The following EPB41L2 variants were observed in gnomAD, a reference collection of about 807,000 sequenced individuals.
The protein encoded by EPB41L2 is erythrocyte membrane protein band 4.1 like 2.
In EPB41L2, 43 loss-of-function variants were observed where a neutral mutation model predicts 113.0. The ratio of observed to expected loss-of-function variants is 0.38; its 90% confidence interval spans 0.30 to 0.49. The LOEUF (loss-of-function observed/expected upper bound fraction) is 0.49, where lower values mean the gene tolerates loss of function less well. Among genes scored for constraint, EPB41L2 ranks in the 20% least tolerant of loss-of-function variants. The pLI, the probability that EPB41L2 is intolerant of heterozygous loss-of-function variation, is 0.95. For missense variants in EPB41L2, 1,147 were observed against 1,223.4 expected, an observed-to-expected ratio of 0.94 and a Z score of 0.93; for synonymous variants, 442 against 436.7, an observed-to-expected ratio of 1.01 and a Z score of -0.15.
At chr6:130,875,464 C>G (rs12200530) in intron 14 of EPB41L2, among the ~76,000 whole-genome samples, 53,674 of 151,874 alleles carry the variant, frequency 0.35, 9,570 homozygotes, top group East Asian at 0.42. Context: ...TCGTGCTCCC[C>G]CTTGCTCACC....
chr6:131,043,904 A>G (rs1237339004), intron 1 of EPB41L2, among the ~76,000 whole-genome samples: 3 of 152,220 alleles, frequency 2.0e-5, no homozygotes, highest in Non-Finnish European at 4.4e-5. Context: ...AGAGACAGAT[A>G]AAAGAAAGCC....
At chr6:130,978,944 T>G (rs1205319549) in intron 1 of EPB41L2, 1 of 152,130 alleles carries the variant, frequency 6.6e-6, no homozygotes, top group African/African-American at 2.4e-5. Context: ...GTGGGAACAG[T>G]AAGTGAAGGA....
chr6:130,984,185 G>A (rs1376658439), intron 1 of EPB41L2, among the ~76,000 whole-genome samples: 3 of 152,144 alleles, frequency 2.0e-5, no homozygotes, highest in Non-Finnish European at 4.4e-5. Flanking sequence ...ATAACATGGA[G>A]CTGTCATCTC....
At chr6:130,910,324 A>G (rs1229075037) in intron 4 of EPB41L2, among the ~76,000 whole-genome samples, 1 of 152,250 alleles carries the variant, frequency 6.6e-6, no homozygotes, top group East Asian at 1.9e-4. Flanking sequence ...CTGGCTAGCC[A>G]TATGCCGAAA....
intron 3 of EPB41L2, among the ~76,000 whole-genome samples, chr6:130,949,617 G>A (rs996816195): frequency 9.9e-5 from 15 of 151,554 alleles, no homozygotes; most frequent in African/African-American, 3.6e-4. Flanking sequence ...GAGGGGAGGG[G>A]AGGAGAGTGG....
intron 1 of EPB41L2, among the ~76,000 whole-genome samples, chr6:131,047,724 G>A (rs1795729441): frequency 1.3e-5 from 2 of 152,140 alleles, no homozygotes; most frequent in African/African-American, 4.8e-5. Flanking sequence ...TAACTGTATA[G>A]TCCCATTAAA....
chr6:131,018,826 A>G (rs1230492045), intron 1 of EPB41L2, among the ~76,000 whole-genome samples: 1 of 152,196 alleles, frequency 6.6e-6, no homozygotes, highest in African/African-American at 2.4e-5. Flanking sequence ...CTGCTCCTAT[A>G]GTGTAACAAG....
chr6:130,971,452 C>A (rs1055532087), intron 1 of EPB41L2, among the ~76,000 whole-genome samples: 8 of 152,130 alleles, frequency 5.3e-5, no homozygotes, highest in African/African-American at 1.9e-4. Flanking sequence ...TATCACTATT[C>A]TTGTACTTTT....
chr6:130,983,550 G>A (rs994039705), intron 1 of EPB41L2, among the ~76,000 whole-genome samples: 1 of 132,692 alleles, frequency 7.5e-6, no homozygotes, highest in African/African-American at 2.9e-5. Context: ...ACAGAGTCTT[G>A]AGTTCACCTG....
At chr6:130,976,394 A>G (rs1156818690) in intron 1 of EPB41L2, among the ~76,000 whole-genome samples, 10 of 152,196 alleles carry the variant, frequency 6.6e-5, no homozygotes, top group Non-Finnish European at 1.5e-4. Flanking sequence ...TCACCTGCAA[A>G]GTTTCTTCCC....
intron 1 of EPB41L2, among the ~76,000 whole-genome samples, chr6:130,988,316 A>G (rs1037283080): frequency 2.6e-5 from 4 of 152,254 alleles, no homozygotes; most frequent in Non-Finnish European, 5.9e-5. Context: ...ACTTTCAGGC[A>G]TACTGAGTTT....
intron 14 of EPB41L2, among the ~76,000 whole-genome samples, chr6:130,874,213 T>C (rs973720924): frequency 1.3e-5 from 2 of 151,976 alleles, no homozygotes; most frequent in Non-Finnish European, 2.9e-5. Flanking sequence ...AATTTTCTGC[T>C]CTACTCTCAA....
chr6:130,872,497 C>CT (rs774810149), intron 14 of EPB41L2: 4 of 1,289,280 alleles, frequency 3.1e-6, no homozygotes, highest in South Asian at 2.5e-5. Context: ...CAGAAAAGCC[C>CT]TTTTCACTAA....
At chr6:130,944,943 T>C (rs1384272800) in intron 3 of EPB41L2, among the ~76,000 whole-genome samples, 1 of 152,204 alleles carries the variant, frequency 6.6e-6, no homozygotes, top group African/African-American at 2.4e-5. Context: ...ACGGCAGTCT[T>C]TTCCCATTTA....
intron 4 of EPB41L2, among the ~76,000 whole-genome samples, chr6:130,921,212 T>A (rs554305106): frequency 6.6e-6 from 1 of 152,076 alleles, no homozygotes; most frequent in South Asian, 2.1e-4. Context: ...CAGTCCCCTA[T>A]CATCTCGCTC....
At chr6:130,969,999 A>C (rs1336240733) in intron 1 of EPB41L2, among the ~76,000 whole-genome samples, 1 of 152,238 alleles carries the variant, frequency 6.6e-6, no homozygotes, top group Non-Finnish European at 1.5e-5. Flanking sequence ...ACATTTGCCT[A>C]GAAAAATGCA....
At chr6:131,037,585 ATTTTTTTT>A (rs10685424) in intron 1 of EPB41L2, among the ~76,000 whole-genome samples, 1 of 122,682 alleles carries the variant, frequency 8.2e-6, no homozygotes, top group Non-Finnish European at 1.6e-5. Flanking sequence ...AAAACCTAAA[ATTTTTTTT>A]TTTTTTTTTT....
intron 1 of EPB41L2, among the ~76,000 whole-genome samples, chr6:130,997,933 T>TAA (rs35835208): frequency 6.6e-6 from 1 of 152,008 alleles, no homozygotes; most frequent in Non-Finnish European, 1.5e-5. Flanking sequence ...AAATTATAAC[T>TAA]AAAAAAAATC....
chr6:130,912,052 A>G (rs1208611190), intron 4 of EPB41L2, among the ~76,000 whole-genome samples: 1 of 152,060 alleles, frequency 6.6e-6, no homozygotes, highest in Non-Finnish European at 1.5e-5. Context: ...AGGAGCACAA[A>G]CCCTATTGTG....
Sources: gnomAD v4.1 joint callset for allele counts (sites outside exome capture counted in the v4.1 genomes callset) on GRCh38, gnomAD v4.1.1 for gene constraint, MANE v1.5 for transcripts, NCBI Gene and HGNC (gene_info 2026-07-23, HGNC 2026-07-21) for gene names.